Variants in TIAM1 observed in about 807,000 individuals in gnomAD.
TIAM1 encodes the protein rho guanine nucleotide exchange factor TIAM1.
In TIAM1, 65 loss-of-function variants were observed where a neutral mutation model predicts 163.5. The observed-to-expected ratio is 0.40, with a 90% CI of 0.33 to 0.49. The LOEUF (loss-of-function observed/expected upper bound fraction) is 0.49. Ranked by LOEUF, TIAM1 falls within the 20% of genes least tolerant of loss-of-function variation. The probability of loss-of-function intolerance (pLI) is 0.77; values close to 1 mark genes in which losing one functional copy is unlikely to be tolerated. For missense variants in TIAM1, 1,789 were observed against 2,044.7 expected, an observed-to-expected ratio of 0.87 and a Z score of 2.41; for synonymous variants, 833 against 810.1, an observed-to-expected ratio of 1.03 and a Z score of -0.48.
At chr21:31,343,707 G>A (rs1394870477) in intron 1 of TIAM1, among the ~76,000 whole-genome samples, 1 of 152,090 alleles carries the variant, frequency 6.6e-6, no homozygotes, top group Non-Finnish European at 1.5e-5. Context: ...CTTTTTCAAT[G>A]GCACTGACCT....
intron 2 of TIAM1, among the ~76,000 whole-genome samples, chr21:31,428,354 A>G (rs1049332902): frequency 6.6e-5 from 10 of 152,244 alleles, no homozygotes; most frequent in Non-Finnish European, 1.5e-4. Flanking sequence ...CTTCCTATAT[A>G]TGTGTCAGCT....
At chr21:31,466,544 G>A (rs1047950262) in intron 1 of TIAM1, among the ~76,000 whole-genome samples, 1 of 152,186 alleles carries the variant, frequency 6.6e-6, no homozygotes, top group East Asian at 1.9e-4. Context: ...CCGGATTCAA[G>A]TTTGGTCAAG....
At chr21:31,143,314 CA>C (rs2082944817) in intron 20 of TIAM1, among the ~76,000 whole-genome samples, 1 of 152,210 alleles carries the variant, frequency 6.6e-6, no homozygotes, top group Middle Eastern at 3.4e-3. Context: ...GACTTTCCCC[CA>C]CTGGAAATTT....
chr21:31,405,926 AC>A (rs2077240073), intron 2 of TIAM1, among the ~76,000 whole-genome samples: 1 of 152,264 alleles, frequency 6.6e-6, no homozygotes, highest in South Asian at 2.1e-4. Flanking sequence ...CACAAAACTC[AC>A]CTCCACCTTC....
chr21:31,160,655 C>T (rs1033372806), intron 16 of TIAM1: 3 of 395,946 alleles, frequency 7.6e-6, no homozygotes, highest in African/African-American at 6.2e-5. Flanking sequence ...AGCATCCTCT[C>T]ATATGGACGT....
At chr21:31,265,201 CTTT>C (rs781091105) in intron 4 of TIAM1, among the ~76,000 whole-genome samples, 67 of 109,968 alleles carry the variant, frequency 6.1e-4, no homozygotes, top group African/African-American at 1.9e-3. Flanking sequence ...CTTTCAAAAT[CTTT>C]TTTTTTTTTT....
chr21:31,209,911 G>T, intron 11 of TIAM1, 134 bp downstream of exon 11: 1 of 860,158 alleles, frequency 1.2e-6, no homozygotes, highest in Non-Finnish European at 1.7e-6. Flanking sequence ...ATGCAATGCT[G>T]CTCCGAAATG....
chr21:31,424,535 G>A (rs1346712393), intron 2 of TIAM1, among the ~76,000 whole-genome samples: 1 of 152,178 alleles, frequency 6.6e-6, no homozygotes, highest in Non-Finnish European at 1.5e-5. Flanking sequence ...AAATAAACCA[G>A]TTGCAAAAAG....
At chr21:31,344,595 G>GC (rs1346383747), upstream of TIAM1, among the ~76,000 whole-genome samples, 1 of 152,066 alleles carries the variant, frequency 6.6e-6, no homozygotes, top group East Asian at 1.9e-4. Flanking sequence ...TTACATAAGC[G>GC]CCCCCCACCA....
Position 31,433,543 on chromosome 21 carries a change from G to A in TIAM1, c.-369+30440C>T, listed in dbSNP as rs146647424. On this transcript the variant is annotated intron_variant, in intron 2 of 28. Transcript: ENST00000286827. Reference sequence around the variant, plus strand: ...GCTAGGGCAATGCATACCAAACTCTGGAAACTCAAATCATTCCTTTTAGAA... The same window carrying A: ...GCTAGGGCAATGCATACCAAACTCTAGAAACTCAAATCATTCCTTTTAGAA... Among the ~76,000 whole-genome samples, 404 of 152,122 alleles carry A rather than the reference G, an allele frequency of 2.7e-3. 4 individuals carry two copies. The highest frequency in any genetic ancestry group is 9.5e-3 in the African/African-American group (393 of 41,512).
intron 2 of TIAM1, among the ~76,000 whole-genome samples, chr21:31,430,553 A>G (rs1242204025): frequency 1.3e-5 from 2 of 152,094 alleles, no homozygotes; most frequent in Admixed American, 1.3e-4. Context: ...AAGGGGGAAA[A>G]AAGATGAAAT....
At chr21:31,298,618 C>G (rs2074377799) in intron 2 of TIAM1, among the ~76,000 whole-genome samples, 1 of 152,006 alleles carries the variant, frequency 6.6e-6, no homozygotes, top group Non-Finnish European at 1.5e-5. Context: ...TTCCATCAAC[C>G]ATAAAAGTAC....
chr21:31,536,081 G>A (rs1328988965), intron 1 of TIAM1, among the ~76,000 whole-genome samples: 1 of 152,208 alleles, frequency 6.6e-6, no homozygotes, highest in Non-Finnish European at 1.5e-5. Flanking sequence ...GGGAGAAAAT[G>A]CGGCACAGGC....
chr21:31,482,853 A>T (rs928373391), intron 1 of TIAM1, among the ~76,000 whole-genome samples: 69 of 152,312 alleles, frequency 4.5e-4, no homozygotes, highest in African/African-American at 1.6e-3. Flanking sequence ...GACTGTGCTA[A>T]TCATGAGATT....
chr21:31,309,480 A>T (rs933676056), intron 2 of TIAM1, among the ~76,000 whole-genome samples: 1 of 152,164 alleles, frequency 6.6e-6, no homozygotes, highest in African/African-American at 2.4e-5. Context: ...ATAAATGAAT[A>T]AAAAAATAAA....
intron 1 of TIAM1, among the ~76,000 whole-genome samples, chr21:31,552,416 G>C (rs571042603): frequency 6.6e-6 from 1 of 152,254 alleles, no homozygotes; most frequent in East Asian, 1.9e-4. Context: ...ACCAACTCAA[G>C]TTTGATAGAC....
At chr21:31,463,621 C>A (rs2045414564) in intron 2 of TIAM1, among the ~76,000 whole-genome samples, 1 of 152,036 alleles carries the variant, frequency 6.6e-6, no homozygotes, top group African/African-American at 2.4e-5. Context: ...AGTTCGAGAC[C>A]AGCCTGGCCA....
At chr21:31,549,807 C>G (rs986468686) in intron 1 of TIAM1, among the ~76,000 whole-genome samples, 1 of 152,194 alleles carries the variant, frequency 6.6e-6, no homozygotes, top group South Asian at 2.1e-4. Flanking sequence ...CAACTCCATT[C>G]TTAGGTTTAC....
intron 1 of TIAM1, among the ~76,000 whole-genome samples, chr21:31,496,739 C>A (rs1243819295): frequency 3.9e-5 from 6 of 152,132 alleles, no homozygotes; most frequent in African/African-American, 1.4e-4. Context: ...ACCGCAACTT[C>A]CAGTCCTGCA....
Sources: gnomAD v4.1 joint callset for allele counts (sites outside exome capture counted in the v4.1 genomes callset) on GRCh38, gnomAD v4.1.1 for gene constraint, MANE v1.5 for transcripts, NCBI Gene and HGNC (gene_info 2026-07-23, HGNC 2026-07-21) for gene names.